SLK: variants seen among roughly 807,000 people sequenced by gnomAD.
SLK encodes the protein STE20 like kinase.
In SLK, 67 loss-of-function variants were observed where a neutral mutation model predicts 147.7. The observed-to-expected ratio is 0.45, with a 90% CI of 0.37 to 0.56. The LOEUF is 0.56. Ranked by LOEUF, SLK falls within the 20% of genes least tolerant of loss-of-function variation. The pLI is 0.00. For synonymous variants in SLK, 441 were observed against 475.0 expected, an observed-to-expected ratio of 0.93 and a Z score of 0.93; for missense variants, 1,136 against 1,438.8, an observed-to-expected ratio of 0.79 and a Z score of 3.41.
intron 15 of SLK, 145 bp from the exon 16 acceptor site, chr10:104,019,589 T>C (rs1009423729): frequency 5.0e-5 from 35 of 694,524 alleles, no homozygotes; most frequent in Admixed American, 9.7e-5. Flanking sequence ...TTACAAGTTA[T>C]TTTGTGCCTA....
At chr10:104,010,170 A>G (rs805646) in intron 12 of SLK, among the ~76,000 whole-genome samples, 32,446 of 152,090 alleles carry the variant, frequency 0.21, 3,834 homozygotes, top group African/African-American at 0.32. Context: ...TGACAGGCTT[A>G]GCTTAACTTG....
In SLK at chr10:103,967,723, G is replaced by A. The variant is rs761856188; in HGVS notation, c.-23G>A. On this transcript the variant is annotated 5_prime_UTR_variant, in exon 1 of 19. Coordinates refer to ENST00000369755, the MANE Select transcript of SLK (RefSeq NM_014720.4). Reference sequence around the variant, plus strand: ...TATTGTTTTTAGTCCTTAAGTGCAAGGAACTCTGTGTTGGGAGGAAAAATG... The same window carrying A: ...TATTGTTTTTAGTCCTTAAGTGCAAAGAACTCTGTGTTGGGAGGAAAAATG... 3.1e-6 allele frequency: 5 copies of A among 1,612,852 alleles called. No homozygotes were observed. Among genetic ancestry groups the A allele is most frequent in the Non-Finnish European group, 4.2e-6 (5 of 1,179,156 alleles).
intron 17 of SLK, among the ~76,000 whole-genome samples, chr10:104,021,418 A>G (rs557038851): frequency 2.6e-5 from 4 of 152,220 alleles, no homozygotes; most frequent in Non-Finnish European, 5.9e-5. Flanking sequence ...TATGGTATGT[A>G]ATAGTTCTAG....
At chr10:103,996,159 C>T (rs1443371050) in intron 4 of SLK, among the ~76,000 whole-genome samples, 2 of 152,088 alleles carry the variant, frequency 1.3e-5, no homozygotes, top group African/African-American at 4.8e-5. Flanking sequence ...CAGTTGTACC[C>T]TTATAGTTGA....
chr10:104,016,254 G>C (rs1385424572), intron 13 of SLK, among the ~76,000 whole-genome samples: 1 of 151,920 alleles, frequency 6.6e-6, no homozygotes, highest in African/African-American at 2.4e-5. Context: ...GGGAGGCGGA[G>C]CTTGCAGTGA....
At chr10:103,999,063 G>C in intron 5 of SLK, 56 bp from the exon 6 acceptor site, 2 of 1,547,508 alleles carry the variant, frequency 1.3e-6, no homozygotes, top group South Asian at 2.3e-5. Context: ...ATTATACCAT[G>C]TGTTTTGCAA....
chr10:103,999,397 A>G (rs1157820938), intron 6 of SLK, 84 bp downstream of exon 6: 1 of 1,054,006 alleles, frequency 9.5e-7, no homozygotes, highest in Non-Finnish European at 1.4e-6. Context: ...CAATTTTCCA[A>G]GAGTATTTAA....
intron 11 of SLK, 21 bp downstream of exon 11, chr10:104,006,056 C>T: frequency 6.3e-7 from 1 of 1,596,284 alleles, no homozygotes; most frequent in Non-Finnish European, 8.5e-7. Flanking sequence ...ATTGTTATAC[C>T]ATTTTATATC....
At chr10:103,970,688 A>G (rs2066340) in intron 1 of SLK, among the ~76,000 whole-genome samples, 122,356 of 152,092 alleles carry the variant, frequency 0.8, 49,378 homozygotes, top group East Asian at 0.9. Context: ...AGAAAAAGCT[A>G]TGGAACCTTA....
At position 104,003,313 on chromosome 10, in the gene SLK, G is replaced by C. The variant is rs1564658767; in HGVS notation, c.2135G>C (p.Ser712Thr). 6.2e-7 allele frequency: 1 copy of C among 1,613,944 alleles called. No homozygotes were observed. The highest frequency in any genetic ancestry group is 8.5e-7 in the Non-Finnish European group (1 of 1,179,868). ...GAACCTCAGCCTGTTCTAATACCCA[G>C]TATTAATATCAACTCTGACAGTGGA... ...PTEPQPVLIP[S>T]ININSDSGEN... The change falls in exon 9 of 19, where the codon AGT (serine) becomes ACT (threonine). Residue 712 changes from serine (S) to threonine (T), a missense_variant. By Grantham distance (58) the Ser-to-Thr change is moderately conservative (BLOSUM62 1). Around this residue, in one of 6 missense-constraint regions of SLK, gnomAD observed 516 missense variants for 531.3 expected, o/e 0.97. Transcript: ENST00000369755.
At chr10:103,994,931 A>G (rs1844146905) in intron 4 of SLK, among the ~76,000 whole-genome samples, 1 of 152,088 alleles carries the variant, frequency 6.6e-6, no homozygotes, top group Non-Finnish European at 1.5e-5. Flanking sequence ...GCATTCTTTC[A>G]TTGGGAGGCA....
intron 4 of SLK, among the ~76,000 whole-genome samples, chr10:103,996,725 C>T (rs944570816): frequency 3.3e-5 from 5 of 152,062 alleles, no homozygotes; most frequent in East Asian, 1.9e-4. Flanking sequence ...GTACAATATT[C>T]GAGTGCTTTC....
intron 1 of SLK, among the ~76,000 whole-genome samples, chr10:103,986,668 G>GTTTTT (rs759976399): frequency 1.0e-5 from 1 of 97,218 alleles, no homozygotes; most frequent in Non-Finnish European, 2.0e-5. Context: ...TATGTGAAGA[G>GTTTTT]TTTTTTTTTT....
At chr10:104,018,740 TA>T in intron 14 of SLK, 43 bp from the exon 15 acceptor site, 2 of 1,582,570 alleles carry the variant, frequency 1.3e-6, no homozygotes, top group African/African-American at 1.4e-5. Flanking sequence ...AGTACATTAG[TA>T]AAAAAAGAGC....
rs894460004 is a variant in SLK, at chr10:104,004,149, T to C, written c.2349+622T>C. 2.0e-5 allele frequency among the ~76,000 whole-genome samples: 3 copies of C among 151,422 alleles called. No individual in the cohort carries two copies. The South Asian group carries it at 6.2e-4, about 32-fold the overall frequency. On this transcript the variant is annotated intron_variant, in intron 9 of 18. Coordinates refer to ENST00000369755, the MANE Select transcript of SLK (RefSeq NM_014720.4). ...GATCCATGGGCTGCCCCTTGGAAAATACTTCCTAGACCCTCTGGGTTGATA... is the reference window on the plus strand; with the variant it reads ...GATCCATGGGCTGCCCCTTGGAAAACACTTCCTAGACCCTCTGGGTTGATA...
At chr10:104,018,679 C>G in intron 14 of SLK, 105 bp from the exon 15 acceptor site, 1 of 1,161,130 alleles carries the variant, frequency 8.6e-7, no homozygotes, top group Non-Finnish European at 1.2e-6. Context: ...CATGTGTGTA[C>G]GAGTTAGTGT....
intron 4 of SLK, among the ~76,000 whole-genome samples, chr10:103,996,539 C>T (rs1413377999): frequency 1.3e-5 from 2 of 151,794 alleles, no homozygotes; most frequent in South Asian, 2.1e-4. Flanking sequence ...GCTGGGACTA[C>T]AGGCGCCCGT....
At chr10:103,996,861 G>T (rs1423414104) in intron 4 of SLK, among the ~76,000 whole-genome samples, 3 of 152,100 alleles carry the variant, frequency 2.0e-5, no homozygotes, top group African/African-American at 7.2e-5. Flanking sequence ...TGTTGTCCAT[G>T]TTTGTAACTT....
intron 1 of SLK, among the ~76,000 whole-genome samples, chr10:103,983,761 C>T (rs912768048): frequency 6.6e-6 from 1 of 151,790 alleles, no homozygotes; most frequent in Non-Finnish European, 1.5e-5. Context: ...GAACTAACCT[C>T]ATCATAACCC....
Sources: gnomAD v4.1 joint callset for allele counts (sites outside exome capture counted in the v4.1 genomes callset) on GRCh38, gnomAD v4.1.1 for gene constraint, gnomAD v4.1.1 regional missense constraint, MANE v1.5 for transcripts, NCBI Gene and HGNC (gene_info 2026-07-23, HGNC 2026-07-21) for gene names.